Variants in MAST2 observed in about 807,000 individuals in gnomAD.
MAST2 encodes the protein microtubule associated serine/threonine kinase 2.
In MAST2, 70 loss-of-function variants were observed where a neutral mutation model predicts 147.4. That is an observed-to-expected ratio of 0.47 (90% CI 0.39 to 0.58). MAST2 has a LOEUF of 0.58. Among genes scored for constraint, MAST2 ranks in the 20% least tolerant of loss-of-function variants. The probability of loss-of-function intolerance (pLI) is 0.00; values close to 1 mark genes in which losing one functional copy is unlikely to be tolerated. For missense variants in MAST2, 2,080 were observed against 2,302.3 expected (o/e 0.90, Z 1.98); for synonymous variants, 869 against 896.8 (o/e 0.97, Z 0.55).
chr1:45,877,325 TAAGGGATTCTCCTGCCTC>T lies in MAST2; in HGVS notation c.469-5036_469-5019del. 2.0e-5 allele frequency among the ~76,000 whole-genome samples: 3 copies of T among 152,218 alleles called. No homozygotes were observed. In the South Asian group the frequency reaches 6.2e-4, roughly 32 times the overall value. On this transcript the variant is annotated intron_variant, in intron 3 of 28. Coordinates refer to ENST00000361297, the MANE Select transcript of MAST2 (RefSeq NM_015112.3). Reference sequence around the variant, plus strand: ...CAAGCTGACCTCAGACTCCTGGGCTTAAGGGATTCTCCTGCCTCAATCTCCTGAGTAGCTGGGACTACA... The same window carrying T: ...CAAGCTGACCTCAGACTCCTGGGCTTAATCTCCTGAGTAGCTGGGACTACA...
chr1:45,834,043 G>GT (rs1032489441), intron 3 of MAST2, among the ~76,000 whole-genome samples: 7 of 152,142 alleles, frequency 4.6e-5, no homozygotes, highest in Admixed American at 2.0e-4. Context: ...ATAAACCTCA[G>GT]TGTCTACCCT....
chr1:45,985,377 A>T (rs1001113485), intron 5 of MAST2, among the ~76,000 whole-genome samples: 12 of 152,148 alleles, frequency 7.9e-5, no homozygotes, highest in African/African-American at 2.9e-4. Context: ...TACAGGCGTG[A>T]GCCACCGCAC....
rs1398178986 is a variant in MAST2 at position 45,806,157 on chromosome 1, C to T, written c.177+2085C>T. ...AGAACATTCCCAGTACCCTAGAATG[C>T]TCCCTGTGCTTTCTCCTAGCACTAC... is the stretch of plus-strand genomic sequence containing the variant. On this transcript the variant is annotated intron_variant, in intron 1 of 28. Transcript: ENST00000361297. Among the ~76,000 whole-genome samples the T allele has an allele frequency of 2.6e-5, 4 of 152,304 alleles. No homozygotes were observed. The East Asian group carries it at 7.7e-4, about 29-fold the overall frequency.
chr1:45,997,794 C>T lies in MAST2; in HGVS notation c.663C>T (p.Ala221=), dbSNP rs1292001596. Residue 221 remains alanine, a synonymous_variant, in exon 6 of 29, where the codon GCC becomes GCT. Coordinates refer to ENST00000361297, the MANE Select transcript of MAST2 (RefSeq NM_015112.3). ...CTGCTCACTTTTCTTTTGTTCCTGC[C>T]CGTAGGTAAGTTGATAGGAAACCTC... The part of the protein sequence containing the change: ...NAPAHFSFVP[A]RRTDGRRWSL... 3 of 1,613,890 alleles carry T rather than the reference C, an allele frequency of 1.9e-6. No individual in the cohort carries two copies. Among genetic ancestry groups the T allele is most frequent in the Non-Finnish European group, 2.5e-6 (3 of 1,179,926 alleles).
intron 4 of MAST2, among the ~76,000 whole-genome samples, chr1:45,899,058 A>G (rs1351411461): frequency 3.9e-5 from 6 of 152,244 alleles, no homozygotes; most frequent in African/African-American, 1.4e-4. Flanking sequence ...CCATTGTTCA[A>G]TTCTTCCATC....
intron 3 of MAST2, among the ~76,000 whole-genome samples, chr1:45,832,790 G>A (rs1259832340): frequency 6.6e-6 from 1 of 151,910 alleles, no homozygotes; most frequent in Admixed American, 6.5e-5. Context: ...AGTTTATTGA[G>A]ATATAATTCA....
In MAST2 at chr1:45,957,898, A is replaced by C. The variant is rs909252858; in HGVS notation, c.501-1488A>C. On this transcript the variant is annotated intron_variant, in intron 4 of 28. Coordinates refer to ENST00000361297, the MANE Select transcript of MAST2 (RefSeq NM_015112.3). ...AAATAGATGGGAAGCTTGGTTGTAA[A>C]GGGTTGGGATTTCGCCAGGACTTTG... 9.9e-5 allele frequency among the ~76,000 whole-genome samples: 15 copies of C among 152,258 alleles called. 1 individual carries two copies. Among genetic ancestry groups the C allele is most frequent in the South Asian group, 6.2e-4 (3 of 4,824 alleles).
intron 3 of MAST2, among the ~76,000 whole-genome samples, chr1:45,855,599 CT>C (rs1002818058): frequency 8.1e-5 from 12 of 147,410 alleles, no homozygotes; most frequent in African/African-American, 1.5e-4. Context: ...TGAGATGAAA[CT>C]TTTTTTTTTG....
rs1009668207 is a variant in MAST2 at position 46,032,488 on chromosome 1, C to T, written c.3414+84C>T. Reference sequence around the variant, plus strand: ...TTTGTGGAGCCCATCTGTCCCTGCTCGGGGGTCAAAGGGTGGTGGTGAAGG... The same window carrying T: ...TTTGTGGAGCCCATCTGTCCCTGCTTGGGGGTCAAAGGGTGGTGGTGAAGG... On this transcript the variant is annotated intron_variant, in intron 25 of 28. Transcript: ENST00000361297. 45 of 1,595,418 alleles carry T rather than the reference C, an allele frequency of 2.8e-5. No homozygotes were observed. In the Admixed American group the frequency reaches 3.9e-4, roughly 14 times the overall value.
chr1:45,992,686 G>C (rs1021665751), intron 5 of MAST2, among the ~76,000 whole-genome samples: 1 of 152,072 alleles, frequency 6.6e-6, no homozygotes, highest in Non-Finnish European at 1.5e-5. Context: ...GAGATGATTA[G>C]CTATTGACTC....
chr1:46,012,588 A>G (rs1436947471), intron 10 of MAST2, among the ~76,000 whole-genome samples: 1 of 152,204 alleles, frequency 6.6e-6, no homozygotes, highest in Non-Finnish European at 1.5e-5. Flanking sequence ...ATTGACGAGC[A>G]CTAGAGATAA....
chr1:45,817,575 A>AATTT (rs1342306567), intron 1 of MAST2, among the ~76,000 whole-genome samples: 1 of 152,236 alleles, frequency 6.6e-6, no homozygotes, highest in Non-Finnish European at 1.5e-5. Context: ...ACAAATGCTA[A>AATTT]AGGGAGTTCT....
intron 4 of MAST2, among the ~76,000 whole-genome samples, chr1:45,957,502 C>T (rs1239104753): frequency 2.0e-5 from 3 of 152,066 alleles, no homozygotes; most frequent in South Asian, 4.1e-4. Flanking sequence ...CCCAACTGTA[C>T]GTGTTCTTCT....
chr1:45,881,183 T>C (rs1640787901), intron 3 of MAST2, among the ~76,000 whole-genome samples: 1 of 152,160 alleles, frequency 6.6e-6, no homozygotes, highest in South Asian at 2.1e-4. Context: ...CAAGAATGTT[T>C]ACAAGAGTAT....
chr1:45,941,674 G>GTTTTTTTA (rs989756741), intron 4 of MAST2, among the ~76,000 whole-genome samples: 7 of 150,916 alleles, frequency 4.6e-5, no homozygotes, highest in African/African-American at 1.7e-4. Context: ...ATTCCTATTT[G>GTTTTTTTA]TTTTTTGTTT....
At chr1:46,007,907 G>GT (rs1043827382) in intron 8 of MAST2, among the ~76,000 whole-genome samples, 1 of 152,142 alleles carries the variant, frequency 6.6e-6, no homozygotes, top group Non-Finnish European at 1.5e-5. Context: ...TGCTTTGGTA[G>GT]TTTTTTTATT....
chr1:45,859,197 T>A lies in MAST2; in HGVS notation c.469-23167T>A, dbSNP rs146914507. Among the ~76,000 whole-genome samples the A allele has an allele frequency of 2.3e-3, 350 of 152,274 alleles. 1 individual carries two copies. Among genetic ancestry groups the A allele is most frequent in the African/African-American group, 7.9e-3 (327 of 41,572 alleles). On this transcript the variant is annotated intron_variant, in intron 3 of 28. Coordinates refer to ENST00000361297, the MANE Select transcript of MAST2 (RefSeq NM_015112.3). ...GCAACCTCCGCCTCCTGGGTTCAAG[T>A]GATTCAGCTGTCTCAGCCTGATGAG...
intron 4 of MAST2, among the ~76,000 whole-genome samples, chr1:45,922,190 A>G (rs1653616668): frequency 6.6e-6 from 1 of 152,290 alleles, no homozygotes; most frequent in South Asian, 2.1e-4. Flanking sequence ...GAGGAAGTGC[A>G]TGCTGGTTGG....
intron 3 of MAST2, among the ~76,000 whole-genome samples, chr1:45,832,463 T>G (rs1168861282): frequency 6.6e-6 from 1 of 152,056 alleles, no homozygotes; most frequent in Non-Finnish European, 1.5e-5. Flanking sequence ...CCTGGCTATT[T>G]TTTGTCTTTT....
Sources: allele counts gnomAD v4.1 joint callset (sites outside exome capture counted in the v4.1 genomes callset), GRCh38; gene constraint gnomAD v4.1.1; transcripts MANE v1.5; gene names NCBI Gene and HGNC (gene_info 2026-07-23, HGNC 2026-07-21).